NDUFAF2: variants seen among roughly 807,000 people sequenced by gnomAD.
The protein encoded by NDUFAF2 is NADH dehydrogenase [ubiquinone] 1 alpha subcomplex assembly factor 2.
In NDUFAF2, 13 loss-of-function variants were observed where a neutral mutation model predicts 22.8. That is an observed-to-expected ratio of 0.57 (90% CI 0.37 to 0.91). The LOEUF is 0.91. Among genes scored for constraint, NDUFAF2 ranks in the 40% least tolerant of loss-of-function variants. The pLI, the probability that NDUFAF2 is intolerant of heterozygous loss-of-function variation, is 0.01. For synonymous variants in NDUFAF2, 53 were observed against 64.2 expected (o/e 0.83, Z 0.84); for missense variants, 162 against 195.2 (o/e 0.83, Z 1.01).
rs748019353 is a variant in NDUFAF2 at position 61,054,951 on chromosome 5, CAT to C, written c.128-18173_128-18172del. The stretch of plus-strand genomic sequence containing the variant: ...GTTAAAATAATGAGAGCTGTTCTCT[CAT>C]GTGTCATTAGTATAACTTTAAGGGG... On this transcript the variant is annotated intron_variant, in intron 1 of 3. Coordinates refer to ENST00000296597, the MANE Select transcript of NDUFAF2 (RefSeq NM_174889.5). Among the ~76,000 whole-genome samples the C allele has an allele frequency of 6.4e-4, 98 of 152,262 alleles. 2 individuals are homozygous for C. Among genetic ancestry groups the C allele is most frequent in the African/African-American group, 2.1e-3 (89 of 41,548 alleles).
chr5:61,052,334 G>C (rs562144043), intron 1 of NDUFAF2, among the ~76,000 whole-genome samples: 1 of 151,904 alleles, frequency 6.6e-6, no homozygotes, highest in African/African-American at 2.4e-5. Context: ...CTTTTGAGAC[G>C]GAGTCTTGCT....
chr5:60,991,873 A>G (rs1751162895), intron 1 of NDUFAF2, among the ~76,000 whole-genome samples: 1 of 152,254 alleles, frequency 6.6e-6, no homozygotes, highest in South Asian at 2.1e-4. Flanking sequence ...GAATCTCCAG[A>G]CTGTTCTCCA....
chr5:61,128,554 T>G (rs886648730), intron 3 of NDUFAF2, among the ~76,000 whole-genome samples: 2 of 152,192 alleles, frequency 1.3e-5, no homozygotes, highest in South Asian at 2.1e-4. Flanking sequence ...GGGGAAAGGT[T>G]TCCCTATTTA....
At chr5:61,003,717 C>T (rs937129954) in intron 1 of NDUFAF2, among the ~76,000 whole-genome samples, 1 of 147,132 alleles carries the variant, frequency 6.8e-6, no homozygotes, top group Non-Finnish European at 1.5e-5. Flanking sequence ...GTGGCATGAT[C>T]GTAGCTCACT....
intron 2 of NDUFAF2, among the ~76,000 whole-genome samples, chr5:61,075,832 TG>T (rs1752361985): frequency 6.6e-6 from 1 of 152,212 alleles, no homozygotes; most frequent in African/African-American, 2.4e-5. Flanking sequence ...ATATTGTATT[TG>T]TCAATTTTAC....
At chr5:60,948,588 C>T (rs1750498001) in intron 1 of NDUFAF2, among the ~76,000 whole-genome samples, 1 of 151,348 alleles carries the variant, frequency 6.6e-6, no homozygotes, top group Non-Finnish European at 1.5e-5. Flanking sequence ...CTTCACTCAG[C>T]ATAATTATTT....
chr5:60,949,198 T>C (rs1750507779), intron 1 of NDUFAF2, among the ~76,000 whole-genome samples: 1 of 152,208 alleles, frequency 6.6e-6, no homozygotes, highest in African/African-American at 2.4e-5. Context: ...TGCTACCTTT[T>C]TGTAGTTACA....
intron 1 of NDUFAF2, among the ~76,000 whole-genome samples, chr5:61,049,759 ATTTC>A (rs1751999174): frequency 6.6e-6 from 1 of 151,914 alleles, no homozygotes; most frequent in Non-Finnish European, 1.5e-5. Context: ...ATGTGTCAGA[ATTTC>A]TTTCCTTTTT....
intron 3 of NDUFAF2, among the ~76,000 whole-genome samples, chr5:61,103,020 C>G (rs966662104): frequency 2.6e-5 from 4 of 152,218 alleles, no homozygotes; most frequent in Admixed American, 6.5e-5. Flanking sequence ...ATGATACAAT[C>G]ATGTTTGAAA....
intron 1 of NDUFAF2, among the ~76,000 whole-genome samples, chr5:60,976,211 T>A (rs951501336): frequency 6.6e-6 from 1 of 152,032 alleles, no homozygotes. Context: ...TTACTAGATG[T>A]AAATTTTTAA....
Position 61,152,845 on chromosome 5 carries a change from T to C in NDUFAF2, c.400T>C (p.Ser134Pro), listed in dbSNP as rs992697884. The change falls in exon 4 of 4, where the codon TCT becomes CCT. Residue 134 changes from serine to proline, a missense_variant. Physicochemically the swap from Ser to Pro is moderately conservative, Grantham distance 74 (BLOSUM62 -1). This residue lies in a region of NDUFAF2 where 68 missense variants were observed against 110.0 expected (regional missense o/e 0.62). Transcript: ENST00000296597. ...PVQTQIKGHA[S>P]APYFGKEEPS... The stretch of plus-strand genomic sequence containing the variant: ...TCAAACTCAAATTAAAGGCCATGCC[T>C]CTGCTCCATACTTTGGAAAGGAAGA... The C allele has an allele frequency of 6.2e-7, 1 of 1,608,658 alleles. No individual in the cohort carries two copies. Among genetic ancestry groups the C allele is most frequent in the Non-Finnish European group, 8.5e-7 (1 of 1,177,024 alleles).
chr5:60,981,824 A>T (rs564581710), intron 1 of NDUFAF2, among the ~76,000 whole-genome samples: 1 of 152,322 alleles, frequency 6.6e-6, no homozygotes, highest in South Asian at 2.1e-4. Context: ...ACTCATTTTC[A>T]GCAGAGATGC....
chr5:61,139,093 T>A (rs1741010932), intron 3 of NDUFAF2, among the ~76,000 whole-genome samples: 1 of 152,224 alleles, frequency 6.6e-6, no homozygotes, highest in African/African-American at 2.4e-5. Context: ...TATATCCCGA[T>A]AAACCCATTG....
At chr5:61,042,474 A>G (rs183828797) in intron 1 of NDUFAF2, among the ~76,000 whole-genome samples, 3 of 152,318 alleles carry the variant, frequency 2.0e-5, no homozygotes, top group Admixed American at 2.0e-4. Flanking sequence ...AGAGATATAC[A>G]TTTATATTGA....
At chr5:61,009,076 C>A (rs1241892226) in intron 1 of NDUFAF2, among the ~76,000 whole-genome samples, 1 of 152,068 alleles carries the variant, frequency 6.6e-6, no homozygotes, top group Middle Eastern at 3.4e-3. Flanking sequence ...TTGTTATCTT[C>A]ATAGTTTACA....
chr5:60,967,419 G>A (rs1028534643), intron 1 of NDUFAF2, among the ~76,000 whole-genome samples: 5 of 151,790 alleles, frequency 3.3e-5, no homozygotes, highest in African/African-American at 9.7e-5. Context: ...GTCTTGATTC[G>A]GATCTTAGAG....
chr5:60,974,699 C>T (rs1750878696), intron 1 of NDUFAF2, among the ~76,000 whole-genome samples: 1 of 152,132 alleles, frequency 6.6e-6, no homozygotes, highest in Non-Finnish European at 1.5e-5. Flanking sequence ...AGCTCCTTCT[C>T]TCTTCTGGGA....
intron 3 of NDUFAF2, among the ~76,000 whole-genome samples, chr5:61,123,311 G>A (rs182614978): frequency 9.2e-5 from 14 of 152,138 alleles, no homozygotes; most frequent in Admixed American, 6.5e-4. Context: ...TTTCGTCGTC[G>A]TGCAAATATC....
At chr5:61,037,384 A>G (rs756119285) in intron 1 of NDUFAF2, among the ~76,000 whole-genome samples, 8 of 152,054 alleles carry the variant, frequency 5.3e-5, no homozygotes, top group Non-Finnish European at 1.0e-4. Context: ...TAGACTCTAG[A>G]TGAAGGTGGA....
Sources: gnomAD v4.1 joint callset for allele counts (sites outside exome capture counted in the v4.1 genomes callset) on GRCh38, gnomAD v4.1.1 for gene constraint, gnomAD v4.1.1 regional missense constraint, MANE v1.5 for transcripts, NCBI Gene and HGNC (gene_info 2026-07-23, HGNC 2026-07-21) for gene names.